The following PEMT variants were observed in gnomAD, a reference collection of about 807,000 sequenced individuals.
PEMT encodes phosphatidylethanolamine N-methyltransferase.
Under a neutral mutation model 27.4 loss-of-function variants are expected in PEMT, and 23 were observed. That is an observed-to-expected ratio of 0.84 (90% CI 0.60 to 1.19). The LOEUF is 1.19. Ranked by LOEUF, PEMT falls within the 50% of genes most tolerant of loss-of-function variation. The probability of loss-of-function intolerance (pLI) is 0.00; values close to 1 mark genes in which losing one functional copy is unlikely to be tolerated. For missense variants in PEMT, 307 were observed against 310.1 expected (o/e 0.99, Z 0.07); for synonymous variants, 137 against 139.1 (o/e 0.98, Z 0.11).
At chr17:17,528,391 G>A (rs1448528262) in intron 2 of PEMT, among the ~76,000 whole-genome samples, 1 of 152,222 alleles carries the variant, frequency 6.6e-6, no homozygotes, top group Non-Finnish European at 1.5e-5. Context: ...ACCTCTGCCT[G>A]CACTATGCTG....
chr17:17,586,373 T>C (rs73300575), intron 1 of PEMT, among the ~76,000 whole-genome samples: 6,418 of 151,474 alleles, frequency 0.042, 460 homozygotes, highest in African/African-American at 0.15. Context: ...CCACAGCACA[T>C]GGCAGCCTTG....
intron 2 of PEMT, among the ~76,000 whole-genome samples, chr17:17,569,069 C>A (rs190267787): frequency 6.6e-6 from 1 of 152,344 alleles, no homozygotes; most frequent in East Asian, 1.9e-4. Context: ...ACTACAGTGG[C>A]CAACTGTCCT....
intron 2 of PEMT, among the ~76,000 whole-genome samples, chr17:17,533,736 T>C (rs560559465): frequency 2.0e-4 from 5 of 24,440 alleles, no homozygotes; most frequent in African/African-American, 7.3e-4. Context: ...GTGTCTCTCT[T>C]TTTTTTTTTT....
At chr17:17,576,079 G>T (rs1005676661) in intron 2 of PEMT, among the ~76,000 whole-genome samples, 1 of 151,920 alleles carries the variant, frequency 6.6e-6, no homozygotes, top group Admixed American at 6.6e-5. Context: ...CCCAACCCCC[G>T]CTGAGCCCCA....
intron 2 of PEMT, among the ~76,000 whole-genome samples, chr17:17,552,065 G>A (rs988625269): frequency 6.6e-5 from 10 of 152,174 alleles, no homozygotes; most frequent in African/African-American, 1.7e-4. Context: ...AGTCAGGCAC[G>A]GTGGTGCGTG....
chr17:17,530,821 T>A (rs1908035599), intron 2 of PEMT, among the ~76,000 whole-genome samples: 1 of 152,202 alleles, frequency 6.6e-6, no homozygotes, highest in South Asian at 2.1e-4. Flanking sequence ...CAAAAACTTT[T>A]GAAGTGGAAA....
chr17:17,576,188 C>T (rs1180315177), intron 2 of PEMT, among the ~76,000 whole-genome samples: 3 of 152,118 alleles, frequency 2.0e-5, no homozygotes, highest in African/African-American at 7.2e-5. Context: ...AAGAGCTTCA[C>T]CCCACAGTCT....
intron 2 of PEMT, among the ~76,000 whole-genome samples, chr17:17,551,519 C>G (rs1298755795): frequency 6.6e-6 from 1 of 152,166 alleles, no homozygotes; most frequent in Non-Finnish European, 1.5e-5. Context: ...AGAAGACAAG[C>G]TGGCGTGGGA....
At chr17:17,566,176 C>T (rs1028842537) in intron 2 of PEMT, among the ~76,000 whole-genome samples, 1 of 152,198 alleles carries the variant, frequency 6.6e-6, no homozygotes, top group Non-Finnish European at 1.5e-5. Flanking sequence ...AAGCAAATAA[C>T]ACAGCCCCGC....
At chr17:17,586,152 GA>G (rs1912236813) in intron 1 of PEMT, among the ~76,000 whole-genome samples, 1 of 117,672 alleles carries the variant, frequency 8.5e-6, no homozygotes, top group Non-Finnish European at 1.9e-5. Flanking sequence ...AAGAAAGAAA[GA>G]AAAAGAAAGA....
intron 1 of PEMT, 69 bp downstream of exon 1, chr17:17,591,462 A>G: frequency 1.5e-6 from 2 of 1,302,400 alleles, no homozygotes; most frequent in Non-Finnish European, 2.1e-6. Flanking sequence ...AGGCGCCGCA[A>G]GCCTTCACGC....
At chr17:17,507,003 T>A (rs1441738930) in intron 5 of PEMT, 7 of 677,722 alleles carry the variant, frequency 1.0e-5, no homozygotes, top group African/African-American at 3.6e-5. Flanking sequence ...CAAGGCCGGA[T>A]GGAGCATCGC....
chr17:17,525,705 A>G (rs1907615959), intron 2 of PEMT, among the ~76,000 whole-genome samples: 1 of 152,174 alleles, frequency 6.6e-6, no homozygotes, highest in Non-Finnish European at 1.5e-5. Flanking sequence ...TCAGATAAAC[A>G]ACAACCTGGC....
At chr17:17,586,288 G>GAAAGAAAGAAAGAA (rs1555546133) in intron 1 of PEMT, among the ~76,000 whole-genome samples, 2 of 72,010 alleles carry the variant, frequency 2.8e-5, no homozygotes, top group African/African-American at 5.8e-5. Flanking sequence ...AAGAAAGAAA[G>GAAAGAAAGAAAGAA]AAAAAAAAAA....
Position 17,547,654 on chromosome 17 carries a change from TTCC to T in PEMT, c.205-25262_205-25260del, listed in dbSNP as rs554459182. On this transcript the variant is annotated intron_variant, in intron 2 of 6. Transcript: ENST00000255389. ...GTGTGTCTGGAAAGCCTCCCTCCTC[TTCC>T]TCCTCCTCCTCCTCCTCATCCTCCT... Among the ~76,000 whole-genome samples, 357 of 151,478 alleles carry T rather than the reference TTCC, an allele frequency of 2.4e-3. 2 individuals carry two copies. The highest frequency in any genetic ancestry group is 7.1e-3 in the African/African-American group (295 of 41,370).
At chr17:17,509,720 G>A (rs957266402) in intron 4 of PEMT, among the ~76,000 whole-genome samples, 175 bp from the exon 5 acceptor site, 2 of 152,288 alleles carry the variant, frequency 1.3e-5, no homozygotes, top group Middle Eastern at 3.4e-3. Context: ...CAACAGGCAC[G>A]CAGACAGCAG....
At chr17:17,552,913 C>A (rs897971146) in intron 2 of PEMT, among the ~76,000 whole-genome samples, 5 of 152,312 alleles carry the variant, frequency 3.3e-5, no homozygotes, top group African/African-American at 9.6e-5. Context: ...CCCTTGCCCC[C>A]TTTCCCCCAG....
chr17:17,549,498 G>A (rs139708426), intron 2 of PEMT, among the ~76,000 whole-genome samples: 2,051 of 152,240 alleles, frequency 0.013, 22 homozygotes, highest in Non-Finnish European at 0.023. Context: ...TAGAGATGGG[G>A]TCTTGCTATG....
intron 2 of PEMT, among the ~76,000 whole-genome samples, chr17:17,541,295 C>T (rs569535898): frequency 1.6e-4 from 24 of 152,298 alleles, no homozygotes; most frequent in African/African-American, 3.1e-4. Context: ...CAAAGTTTCC[C>T]GAGTCAGCTG....
Sources: gnomAD v4.1 joint callset for allele counts (sites outside exome capture counted in the v4.1 genomes callset) on GRCh38, gnomAD v4.1.1 for gene constraint, MANE v1.5 for transcripts, NCBI Gene and HGNC (gene_info 2026-07-23, HGNC 2026-07-21) for gene names.